The following MDFIC2 variants were observed in gnomAD, a reference collection of about 807,000 sequenced individuals.
The protein encoded by MDFIC2 is myoD family inhibitor domain-containing protein 2.
intron 2 of MDFIC2, among the ~76,000 whole-genome samples, chr3:70,288,646 G>A (rs1702193220): frequency 6.6e-6 from 1 of 151,782 alleles, no homozygotes; most frequent in Non-Finnish European, 1.5e-5. Context: ...TCCGTCTAAT[G>A]TTCACAGTGG....
chr3:70,307,012 GAGAT>G (rs1245986570), intron 2 of MDFIC2, among the ~76,000 whole-genome samples: 2 of 152,226 alleles, frequency 1.3e-5, no homozygotes, highest in Admixed American at 6.5e-5. Context: ...GACAAATAGA[GAGAT>G]AGAGAGAAAA....
At position 70,288,242 on chromosome 3, in the gene MDFIC2, G is replaced by T. The variant is rs1277499627; in HGVS notation, c.88+23644C>A. ...CACACTGCTTTGAATGCATCCCAGA[G>T]ATTCTGGTATGTTGTGTCTTTGTTC... On this transcript the variant is annotated intron_variant, in intron 2 of 3. Transcript: ENST00000567252. Among the ~76,000 whole-genome samples the T allele has an allele frequency of 5.4e-5, 7 of 130,110 alleles. 1 individual carries two copies. The highest frequency in any genetic ancestry group is 1.6e-4 in the Admixed American group (2 of 12,646). 85.4% of individuals were successfully genotyped at this position (130,110 alleles called of 152,430 possible).
chr3:70,231,663 A>G (rs1701561137), intron 2 of MDFIC2, among the ~76,000 whole-genome samples: 1 of 152,102 alleles, frequency 6.6e-6, no homozygotes, highest in Admixed American at 6.5e-5. Context: ...CGCTAAGGAG[A>G]GAGAGAGAAG....
chr3:70,240,657 T>C (rs1456840639), intron 2 of MDFIC2, among the ~76,000 whole-genome samples: 1 of 152,172 alleles, frequency 6.6e-6, no homozygotes, highest in East Asian at 1.9e-4. Flanking sequence ...AATTTGTTTA[T>C]CTTTCTATTG....
chr3:70,263,910 C>T (rs79449115), intron 2 of MDFIC2, among the ~76,000 whole-genome samples: 4,579 of 152,218 alleles, frequency 0.03, 173 homozygotes, highest in East Asian at 0.2. Flanking sequence ...TTGCTGTTGT[C>T]CAATATCTCA....
intron 2 of MDFIC2, among the ~76,000 whole-genome samples, chr3:70,276,698 A>G (rs1420511118): frequency 6.6e-6 from 1 of 152,194 alleles, no homozygotes; most frequent in East Asian, 1.9e-4. Context: ...TTGTAAGTCA[A>G]GTTTTGTTGG....
At chr3:70,306,889 A>T (rs889579607) in intron 2 of MDFIC2, among the ~76,000 whole-genome samples, 1 of 152,134 alleles carries the variant, frequency 6.6e-6, no homozygotes, top group Non-Finnish European at 1.5e-5. Context: ...CATATGTATA[A>T]ATATGTATGT....
At chr3:70,281,912 G>A (rs977900785) in intron 2 of MDFIC2, among the ~76,000 whole-genome samples, 2 of 152,130 alleles carry the variant, frequency 1.3e-5, no homozygotes, top group African/African-American at 4.8e-5. Context: ...GTTTTAAAAA[G>A]CATCTTGGGT....
At chr3:70,257,259 C>A (rs1043382252) in intron 2 of MDFIC2, among the ~76,000 whole-genome samples, 24 of 152,120 alleles carry the variant, frequency 1.6e-4, no homozygotes, top group Admixed American at 7.9e-4. Context: ...GCACATCTGG[C>A]CATTCAAAAA....
At chr3:70,221,851 G>A (rs1701463203) in intron 2 of MDFIC2, among the ~76,000 whole-genome samples, 1 of 152,154 alleles carries the variant, frequency 6.6e-6, no homozygotes, top group South Asian at 2.1e-4. Flanking sequence ...AAAAGTAATT[G>A]AGGTTTTGTC....
At chr3:70,201,966 A>C (rs1701244492) in intron 3 of MDFIC2, among the ~76,000 whole-genome samples, 1 of 152,194 alleles carries the variant, frequency 6.6e-6, no homozygotes, top group Admixed American at 6.5e-5. Context: ...TGTCTTAGGC[A>C]GTGGTTTTAT....
intron 2 of MDFIC2, among the ~76,000 whole-genome samples, chr3:70,260,046 A>G (rs761777896): frequency 7.2e-5 from 11 of 152,166 alleles, no homozygotes; most frequent in Admixed American, 2.6e-4. Flanking sequence ...CATGGGGATT[A>G]TAGGTTATAA....
chr3:70,273,428 C>A (rs1420262900), intron 2 of MDFIC2, among the ~76,000 whole-genome samples: 1 of 152,182 alleles, frequency 6.6e-6, no homozygotes, highest in African/African-American at 2.4e-5. Flanking sequence ...AGAATTGTTT[C>A]TCTCCAGGAG....
chr3:70,277,467 C>G (rs924825787), intron 2 of MDFIC2, among the ~76,000 whole-genome samples: 1 of 152,106 alleles, frequency 6.6e-6, no homozygotes, highest in Admixed American at 6.5e-5. Context: ...AATGACGGCT[C>G]TTGATTCACT....
intron 3 of MDFIC2, among the ~76,000 whole-genome samples, chr3:70,198,101 T>A (rs1701198831): frequency 6.6e-6 from 1 of 152,176 alleles, no homozygotes; most frequent in African/African-American, 2.4e-5. Flanking sequence ...AATGTGTGAG[T>A]GCTTTGTAAA....
intron 2 of MDFIC2, among the ~76,000 whole-genome samples, chr3:70,284,664 A>G (rs879369840): frequency 2.0e-5 from 3 of 152,198 alleles, no homozygotes; most frequent in African/African-American, 4.8e-5. Context: ...TAAACACTGC[A>G]TGTTCTCACT....
intron 2 of MDFIC2, among the ~76,000 whole-genome samples, chr3:70,286,498 C>T (rs1420586303): frequency 6.6e-6 from 1 of 151,644 alleles, no homozygotes; most frequent in Non-Finnish European, 1.5e-5. Context: ...AGTGTGATGC[C>T]TCCAGCTTTG....
At chr3:70,236,617 A>G (rs55885411) in intron 2 of MDFIC2, among the ~76,000 whole-genome samples, 31,228 of 151,902 alleles carry the variant, frequency 0.21, 3,696 homozygotes, top group Non-Finnish European at 0.27. Flanking sequence ...TTTTTCTGAG[A>G]CAGGGTCTCA....
At chr3:70,305,812 CG>C (rs1359699091) in intron 2 of MDFIC2, among the ~76,000 whole-genome samples, 6 of 152,116 alleles carry the variant, frequency 3.9e-5, no homozygotes, top group Admixed American at 2.0e-4. Flanking sequence ...TCAGTTTCTT[CG>C]TCTTATTTGA....
Sources: gnomAD v4.1 joint callset for allele counts (sites outside exome capture counted in the v4.1 genomes callset) on GRCh38, gnomAD v4.1.1 for gene constraint, MANE v1.5 for transcripts, NCBI Gene and HGNC (gene_info 2026-07-23, HGNC 2026-07-21) for gene names.